Variants in UGT1A7 observed in about 807,000 individuals in gnomAD.
UGT1A7 encodes UDP glucuronosyltransferase family 1 member A7.
UGT1A7 carries 33 observed loss-of-function variants against 45.6 expected under a neutral mutation model. The observed-to-expected ratio is 0.72, with a 90% CI of 0.55 to 0.97. UGT1A7 has a LOEUF of 0.97. UGT1A7 is among the 50% of genes least tolerant of loss of function. UGT1A7 has a pLI of 0.00. For synonymous variants in UGT1A7, 274 were observed against 250.6 expected, an observed-to-expected ratio of 1.09 and a Z score of -0.88; for missense variants, 684 against 666.2, an observed-to-expected ratio of 1.03 and a Z score of -0.29.
intron 1 of UGT1A7, among the ~76,000 whole-genome samples, chr2:233,706,094 T>TA (rs141668784): frequency 0.11 from 16,459 of 151,402 alleles, 1,013 homozygotes; most frequent in South Asian, 0.2. Flanking sequence ...GATTCTGTCT[T>TA]AAAAAAAAAC....
intron 4 of UGT1A7, chr2:233,771,349 A>C (rs1700292689): frequency 6.6e-6 from 1 of 151,972 alleles, no homozygotes; most frequent in Non-Finnish European, 1.5e-5. Context: ...TGTAGCACCA[A>C]GGGTTGAAGC....
At chr2:233,701,956 C>T (rs1431436899) in intron 1 of UGT1A7, among the ~76,000 whole-genome samples, 1 of 152,018 alleles carries the variant, frequency 6.6e-6, no homozygotes, top group Non-Finnish European at 1.5e-5. Context: ...AGAGCAAACA[C>T]ATTCAAAAGC....
intron 1 of UGT1A7, among the ~76,000 whole-genome samples, chr2:233,699,549 C>T (rs540662918): frequency 6.6e-6 from 1 of 152,332 alleles, no homozygotes; most frequent in Non-Finnish European, 1.5e-5. Context: ...ATCATAGAGC[C>T]AGGTCATGGC....
intron 1 of UGT1A7, chr2:233,729,881 C>T (rs1164878821): frequency 1.9e-6 from 3 of 1,613,778 alleles, no homozygotes; most frequent in Admixed American, 3.3e-5. Flanking sequence ...CTCAGTCATG[C>T]ATCTGTGTGG....
intron 1 of UGT1A7, among the ~76,000 whole-genome samples, chr2:233,723,536 T>TTC (rs1553611580): frequency 8.2e-6 from 1 of 121,444 alleles, no homozygotes; most frequent in Non-Finnish European, 1.6e-5. Context: ...TTTTTTTTTT[T>TTC]AATTTATTTT....
chr2:233,740,508 G>A (rs529004725), intron 1 of UGT1A7, among the ~76,000 whole-genome samples: 1 of 152,040 alleles, frequency 6.6e-6, no homozygotes, highest in East Asian at 1.9e-4. Flanking sequence ...AGTGTGTGAT[G>A]TAAGCTGAAC....
rs1314353678 is a variant in UGT1A7 at position 233,681,955 on chromosome 2, G to T, written c.18G>T (p.Trp6Cys). Residue 6 changes from tryptophan to cysteine, a missense_variant, in exon 1 of 5, where the codon TGG becomes TGT. Transcript: ENST00000373426. Reference sequence around the variant, plus strand: ...GTTCTCTGATGGCTCGTGCAGGGTGGACTGGCCTCCTTCCCCTATATGTGT... The same window carrying T: ...GTTCTCTGATGGCTCGTGCAGGGTGTACTGGCCTCCTTCCCCTATATGTGT... Reference protein sequence around the residue: MARAGWTGLLPLYVCL... With the variant: MARAGCTGLLPLYVCL... 12 of 1,613,914 alleles carry T rather than the reference G, an allele frequency of 7.4e-6. No individual in the cohort carries two copies. The highest frequency in any genetic ancestry group is 1.0e-5 in the Non-Finnish European group (12 of 1,179,862).
At chr2:233,686,929 G>A (rs990280211) in intron 1 of UGT1A7, among the ~76,000 whole-genome samples, 4 of 152,188 alleles carry the variant, frequency 2.6e-5, no homozygotes, top group African/African-American at 7.2e-5. Flanking sequence ...CCCACTGGCT[G>A]ACTCATGCAG....
intron 1 of UGT1A7, among the ~76,000 whole-genome samples, chr2:233,762,717 GTTT>G (rs34681509): frequency 7.1e-6 from 1 of 141,162 alleles, no homozygotes. Context: ...ATTTTACACG[GTTT>G]TTTTTTTTTG....
intron 1 of UGT1A7, among the ~76,000 whole-genome samples, chr2:233,709,579 A>G (rs936977036): frequency 6.6e-6 from 1 of 152,240 alleles, no homozygotes; most frequent in African/African-American, 2.4e-5. Flanking sequence ...AATTCAAAAA[A>G]TATACCAGGA....
intron 1 of UGT1A7, among the ~76,000 whole-genome samples, chr2:233,720,006 T>G (rs1403033451): frequency 6.6e-6 from 1 of 152,190 alleles, no homozygotes; most frequent in Non-Finnish European, 1.5e-5. Context: ...CATTCAGAAC[T>G]GATCCATCCT....
At chr2:233,705,245 C>A (rs184957890) in intron 1 of UGT1A7, among the ~76,000 whole-genome samples, 1 of 151,984 alleles carries the variant, frequency 6.6e-6, no homozygotes, top group African/African-American at 2.4e-5. Context: ...TGTATGAATT[C>A]AGATTATTCT....
intron 1 of UGT1A7, chr2:233,713,149 C>A (rs777655753): frequency 1.2e-6 from 2 of 1,614,172 alleles, no homozygotes; most frequent in Admixed American, 1.7e-5. Flanking sequence ...GACCTCCATG[C>A]GAGAGGCCAC....
intron 1 of UGT1A7, among the ~76,000 whole-genome samples, chr2:233,731,986 G>A (rs184170345): frequency 7.2e-5 from 11 of 152,312 alleles, no homozygotes; most frequent in East Asian, 1.9e-4. Context: ...TCTAACTGGC[G>A]TGAGATGGTA....
chr2:233,758,811 C>A (rs371004333), intron 1 of UGT1A7, among the ~76,000 whole-genome samples: 1 of 152,184 alleles, frequency 6.6e-6, no homozygotes, highest in East Asian at 1.9e-4. Flanking sequence ...TATAGTACAG[C>A]AGTATATCCC....
intron 1 of UGT1A7, chr2:233,743,075 T>C (rs1282774388): frequency 2.9e-6 from 1 of 344,366 alleles, no homozygotes; most frequent in Non-Finnish European, 5.7e-6. Context: ...GGTGTTGGCA[T>C]GAAGTGTTTA....
intron 1 of UGT1A7, among the ~76,000 whole-genome samples, chr2:233,744,376 C>T (rs1002936325): frequency 4.0e-5 from 6 of 151,828 alleles, no homozygotes; most frequent in Non-Finnish European, 8.8e-5. Context: ...GACTGCAGTT[C>T]TCCAACGTTC....
At chr2:233,749,984 G>T (rs1236503942) in intron 1 of UGT1A7, among the ~76,000 whole-genome samples, 1 of 151,836 alleles carries the variant, frequency 6.6e-6, no homozygotes, top group African/African-American at 2.4e-5. Flanking sequence ...TGTGAGAATG[G>T]ACTAATATAT....
chr2:233,682,903 CT>C, intron 1 of UGT1A7, 111 bp downstream of exon 1: 1 of 1,501,494 alleles, frequency 6.7e-7, no homozygotes, highest in South Asian at 1.4e-5. Context: ...GAATTTCTTT[CT>C]GGTTTAAGGA....
Sources: allele counts gnomAD v4.1 joint callset (sites outside exome capture counted in the v4.1 genomes callset), GRCh38; gene constraint gnomAD v4.1.1; transcripts MANE v1.5; gene names NCBI Gene and HGNC (gene_info 2026-07-23, HGNC 2026-07-21).